CFAP299: variants seen among roughly 807,000 people sequenced by gnomAD.
The protein encoded by CFAP299 is cilia and flagella associated protein 299, also known as cilia- and flagella-associated protein 299.
In CFAP299, 21 loss-of-function variants were observed where a neutral mutation model predicts 27.0. The ratio of observed to expected loss-of-function variants is 0.78; its 90% CI spans 0.55 to 1.12. The LOEUF (loss-of-function observed/expected upper bound fraction) is 1.12. CFAP299 is among the 50% of genes most tolerant of loss of function. The pLI is 0.00. For synonymous variants in CFAP299, 104 were observed against 98.1 expected (o/e 1.06, Z -0.36); for missense variants, 310 against 276.6 (o/e 1.12, Z -0.86).
chr4:80,571,976 G>A (rs1430180203), intron 2 of CFAP299, among the ~76,000 whole-genome samples: 1 of 152,162 alleles, frequency 6.6e-6, no homozygotes. Flanking sequence ...TTGAGAGAAG[G>A]AATGTAAAGA....
intron 3 of CFAP299, among the ~76,000 whole-genome samples, chr4:80,692,331 T>C (rs1387239068): frequency 1.3e-5 from 2 of 152,230 alleles, no homozygotes; most frequent in East Asian, 1.9e-4. Flanking sequence ...AGCATGGTAC[T>C]GGTACCAAAA....
chr4:80,871,350 C>T (rs1308016030), intron 4 of CFAP299: 2 of 984,580 alleles, frequency 2.0e-6, no homozygotes, highest in Non-Finnish European at 2.4e-6. Flanking sequence ...CAAAGTCAAT[C>T]GATCCACACA....
intron 3 of CFAP299, among the ~76,000 whole-genome samples, chr4:80,844,596 G>C (rs1731061826): frequency 6.6e-6 from 1 of 151,496 alleles, no homozygotes; most frequent in African/African-American, 2.4e-5. Context: ...CTTTTTGATG[G>C]GGTTGTTTGT....
intron 3 of CFAP299, among the ~76,000 whole-genome samples, chr4:80,649,816 T>C (rs1237951570): frequency 1.3e-5 from 2 of 152,154 alleles, no homozygotes; most frequent in Non-Finnish European, 2.9e-5. Flanking sequence ...TAAATATTTT[T>C]GAAGGATTCC....
At chr4:80,801,100 A>G (rs1728564834) in intron 3 of CFAP299, among the ~76,000 whole-genome samples, 1 of 151,724 alleles carries the variant, frequency 6.6e-6, no homozygotes, top group African/African-American at 2.4e-5. Context: ...TCCTTTGGCA[A>G]CACCCTCACA....
At chr4:80,477,403 C>G (rs1730335550) in intron 2 of CFAP299, among the ~76,000 whole-genome samples, 1 of 152,128 alleles carries the variant, frequency 6.6e-6, no homozygotes. Context: ...TCTTTGCTTT[C>G]TGTCACTCTC....
chr4:80,812,234 T>C (rs1280550152), intron 3 of CFAP299, among the ~76,000 whole-genome samples: 1 of 152,128 alleles, frequency 6.6e-6, no homozygotes, highest in East Asian at 1.9e-4. Flanking sequence ...CTTCTTGAAT[T>C]TTGATCAACT....
At chr4:80,488,764 C>T (rs567219482) in intron 2 of CFAP299, among the ~76,000 whole-genome samples, 1 of 152,196 alleles carries the variant, frequency 6.6e-6, no homozygotes, top group African/African-American at 2.4e-5. Flanking sequence ...GCGTGAGCCA[C>T]CGCACCCGGC....
At chr4:80,457,935 C>T (rs1459020679) in intron 2 of CFAP299, among the ~76,000 whole-genome samples, 1 of 152,162 alleles carries the variant, frequency 6.6e-6, no homozygotes, top group Admixed American at 6.5e-5. Context: ...TGAGACTTAA[C>T]TCCCGACGTC....
intron 3 of CFAP299, among the ~76,000 whole-genome samples, chr4:80,857,538 TG>T (rs1253786273): frequency 3.3e-5 from 5 of 152,158 alleles, no homozygotes; most frequent in African/African-American, 1.2e-4. Flanking sequence ...TATTGGCTGT[TG>T]GTTTGTCATA....
At chr4:80,892,082 A>T (rs1045773148) in intron 4 of CFAP299, among the ~76,000 whole-genome samples, 1 of 152,118 alleles carries the variant, frequency 6.6e-6, no homozygotes, top group Non-Finnish European at 1.5e-5. Context: ...AAAACTAAAG[A>T]AATCACATTA....
intron 2 of CFAP299, among the ~76,000 whole-genome samples, chr4:80,397,616 G>A (rs915623199): frequency 2.0e-5 from 3 of 152,010 alleles, no homozygotes; most frequent in Admixed American, 1.3e-4. Flanking sequence ...TGCAGAAAAC[G>A]CCTTTGACAA....
intron 2 of CFAP299, among the ~76,000 whole-genome samples, chr4:80,446,199 CTGTG>C (rs1380108546): frequency 6.6e-6 from 1 of 152,138 alleles, no homozygotes; most frequent in Non-Finnish European, 1.5e-5. Context: ...AGCCAACCAC[CTGTG>C]GAACTCTGCA....
At chr4:80,530,554 T>C (rs1351459545) in intron 2 of CFAP299, among the ~76,000 whole-genome samples, 1 of 152,112 alleles carries the variant, frequency 6.6e-6, no homozygotes, top group Admixed American at 6.6e-5. Flanking sequence ...TAACAGACAA[T>C]GGTCCAAGCA....
intron 2 of CFAP299, among the ~76,000 whole-genome samples, chr4:80,380,973 C>G (rs1020608389): frequency 2.0e-5 from 3 of 151,856 alleles, no homozygotes; most frequent in African/African-American, 7.3e-5. Context: ...TTACCATTTC[C>G]TTTTCTCTCA....
At chr4:80,813,274 C>T (rs1448515535) in intron 3 of CFAP299, among the ~76,000 whole-genome samples, 1 of 151,962 alleles carries the variant, frequency 6.6e-6, no homozygotes, top group Non-Finnish European at 1.5e-5. Flanking sequence ...GAAAAATTAT[C>T]TCGAGCCTTT....
intron 3 of CFAP299, among the ~76,000 whole-genome samples, chr4:80,614,703 G>T (rs766139024): frequency 6.6e-6 from 1 of 151,838 alleles, no homozygotes; most frequent in Non-Finnish European, 1.5e-5. Flanking sequence ...ACTAACAATT[G>T]CTTGCAATAT....
intron 2 of CFAP299, among the ~76,000 whole-genome samples, chr4:80,494,998 A>T (rs1187232298): frequency 6.6e-6 from 1 of 152,218 alleles, no homozygotes; most frequent in Non-Finnish European, 1.5e-5. Context: ...CCAGTATCTG[A>T]ATTTAATTCC....
intron 2 of CFAP299, among the ~76,000 whole-genome samples, chr4:80,479,622 T>C (rs1730455124): frequency 6.6e-6 from 1 of 151,988 alleles, no homozygotes; most frequent in Non-Finnish European, 1.5e-5. Context: ...AGACTGATAA[T>C]GAATTATTTG....
Sources: allele counts gnomAD v4.1 joint callset (sites outside exome capture counted in the v4.1 genomes callset), GRCh38; gene constraint gnomAD v4.1.1; transcripts MANE v1.5; gene names NCBI Gene and HGNC (gene_info 2026-07-23, HGNC 2026-07-21).